Variants in DTNB observed in about 807,000 individuals in gnomAD.
DTNB encodes DTN-B.
In DTNB, 63 loss-of-function variants were observed where a neutral mutation model predicts 90.7. The observed-to-expected ratio is 0.69, with a 90% confidence interval of 0.57 to 0.86. The LOEUF (loss-of-function observed/expected upper bound fraction) is 0.86, where lower values mean the gene tolerates loss of function less well. Among genes scored for constraint, DTNB ranks in the 40% least tolerant of loss-of-function variants. DTNB has a pLI of 0.00. For synonymous variants in DTNB, 277 were observed against 286.7 expected, an observed-to-expected ratio of 0.97 and a Z score of 0.34; for missense variants, 744 against 807.1, an observed-to-expected ratio of 0.92 and a Z score of 0.95.
chr2:25,512,564 T>C (rs753666170), intron 9 of DTNB, among the ~76,000 whole-genome samples: 1 of 152,228 alleles, frequency 6.6e-6, no homozygotes, highest in Non-Finnish European at 1.5e-5. Context: ...AGGAAAGAGA[T>C]AGCATTTTAT....
chr2:25,564,901 TTAAAAG>T (rs2058785704), intron 8 of DTNB, among the ~76,000 whole-genome samples: 1 of 152,234 alleles, frequency 6.6e-6, no homozygotes, highest in Admixed American at 6.5e-5. Flanking sequence ...GTTTTTGCCA[TTAAAAG>T]TAACGGGGAA....
chr2:25,618,271 G>A (rs1254473869), intron 4 of DTNB, among the ~76,000 whole-genome samples: 1 of 152,174 alleles, frequency 6.6e-6, no homozygotes, highest in Non-Finnish European at 1.5e-5. Flanking sequence ...AGAGAAAACT[G>A]CAGCTCCTCA....
intron 8 of DTNB, among the ~76,000 whole-genome samples, chr2:25,533,848 G>A (rs1283490950): frequency 6.6e-6 from 1 of 152,184 alleles, no homozygotes; most frequent in Admixed American, 6.5e-5. Flanking sequence ...ACGACAGCAA[G>A]TGCCTTTCCA....
chr2:25,635,647 G>C (rs1440228743), intron 3 of DTNB, among the ~76,000 whole-genome samples: 9 of 151,974 alleles, frequency 5.9e-5, no homozygotes, highest in Non-Finnish European at 1.3e-4. Context: ...AGTAAAAGAG[G>C]AATTTTACTG....
chr2:25,644,335 T>C (rs987943457), intron 2 of DTNB, among the ~76,000 whole-genome samples: 1 of 152,114 alleles, frequency 6.6e-6, no homozygotes, highest in African/African-American at 2.4e-5. Context: ...AAGTGTATTG[T>C]GTTTAAAATG....
At chr2:25,535,823 CT>C (rs2079548847) in intron 8 of DTNB, among the ~76,000 whole-genome samples, 1 of 148,378 alleles carries the variant, frequency 6.7e-6, no homozygotes, top group Admixed American at 6.7e-5. Context: ...AGAGGTGCTC[CT>C]CACTTCCTCC....
intron 1 of DTNB, among the ~76,000 whole-genome samples, chr2:25,670,313 C>A (rs2085527937): frequency 6.6e-6 from 1 of 152,202 alleles, no homozygotes; most frequent in South Asian, 2.1e-4. Flanking sequence ...GGAAAGACCA[C>A]AAAAACTGAT....
At chr2:25,610,048 C>T (rs1444452169) in intron 4 of DTNB, among the ~76,000 whole-genome samples, 1 of 152,114 alleles carries the variant, frequency 6.6e-6, no homozygotes, top group Non-Finnish European at 1.5e-5. Context: ...TTACTGTTTC[C>T]AAAGACTGTC....
In DTNB at chr2:25,451,624, C is replaced by G; in HGVS notation, c.1181G>C (p.Ser394Thr). Reference sequence around the variant, plus strand: ...GTGTTCCTCATCCAGTCGGCTAGGACTGTCCAGAACACTGCCAAGGAAATA... The same window carrying G: ...GTGTTCCTCATCCAGTCGGCTAGGAGTGTCCAGAACACTGCCAAGGAAATA... ...RLQHCARVLD[S>T]PSRLDEEHRL... The change falls in exon 12 of 21, where the codon AGT becomes ACT. Residue 394 changes from serine to threonine, a missense_variant. Transcript: ENST00000406818. The G allele has an allele frequency of 6.3e-7, 1 of 1,595,010 alleles. No homozygotes were observed. Among genetic ancestry groups the G allele is most frequent in the East Asian group, 2.2e-5 (1 of 44,486 alleles).
intron 14 of DTNB, among the ~76,000 whole-genome samples, chr2:25,428,206 T>C (rs1303431622): frequency 6.6e-6 from 1 of 152,186 alleles, no homozygotes. Context: ...CTTGTCTCTG[T>C]CTCTTTTCCC....
intron 7 of DTNB, among the ~76,000 whole-genome samples, chr2:25,578,215 T>C (rs1304941083): frequency 6.6e-6 from 1 of 152,176 alleles, no homozygotes; most frequent in Admixed American, 6.5e-5. Flanking sequence ...TTATATAGCA[T>C]GATCACTAGG....
intron 6 of DTNB, among the ~76,000 whole-genome samples, chr2:25,582,289 C>T (rs914993370): frequency 7.9e-5 from 12 of 152,278 alleles, no homozygotes; most frequent in African/African-American, 2.9e-4. Context: ...AGACCAACCA[C>T]CGGAACCTCC....
chr2:25,454,693 T>C lies in DTNB; in HGVS notation c.1169+712A>G, dbSNP rs373168261. On this transcript the variant is annotated intron_variant, in intron 11 of 20. Transcript: ENST00000406818. ...TTTAAAAAAAGGATTAACTTTGCTA[T>C]AGTTAGCAGTTATCAAACGTTTTTC... Among the ~76,000 whole-genome samples the C allele has an allele frequency of 2.0e-5, 3 of 152,248 alleles. No individual in the cohort carries two copies. In the South Asian group the frequency reaches 6.2e-4, roughly 31 times the overall value.
At chr2:25,624,634 G>C (rs948738588) in intron 4 of DTNB, among the ~76,000 whole-genome samples, 1 of 152,150 alleles carries the variant, frequency 6.6e-6, no homozygotes, top group East Asian at 1.9e-4. Context: ...AAAGACACTG[G>C]ACTAACACAA....
chr2:25,430,740 G>A (rs2053589885), intron 14 of DTNB, among the ~76,000 whole-genome samples: 1 of 152,222 alleles, frequency 6.6e-6, no homozygotes, highest in Non-Finnish European at 1.5e-5. Flanking sequence ...AATGGGGTAA[G>A]GGAGAGGTAC....
chr2:25,639,085 TTC>T lies in DTNB; in HGVS notation c.75_76del (p.Asn26PhefsTer2), dbSNP rs1342091410. The T allele has an allele frequency of 6.3e-7, 1 of 1,580,406 alleles. No homozygotes were observed. The highest frequency in any genetic ancestry group is 1.8e-5 in the Admixed American group (1 of 56,638). On this transcript the variant is annotated frameshift_variant, in exon 3 of 21. Transcript: ENST00000406818. LOFTEE classifies it high-confidence loss of function. Reference sequence around the variant, plus strand: ...AGTTGATAGTCGTATGACATCAAAATTCTGAGCACCTGAAAAAAGGCAAACAG... The same window carrying T: ...AGTTGATAGTCGTATGACATCAAAATTGAGCACCTGAAAAAAGGCAAACAG...
At chr2:25,502,537 G>A (rs1441512816) in intron 9 of DTNB, among the ~76,000 whole-genome samples, 1 of 151,848 alleles carries the variant, frequency 6.6e-6, no homozygotes, top group Non-Finnish European at 1.5e-5. Flanking sequence ...AGCCCAGGAG[G>A]TGAAGACCAG....
chr2:25,529,122 T>C (rs1425644588), intron 9 of DTNB, among the ~76,000 whole-genome samples: 4 of 152,150 alleles, frequency 2.6e-5, no homozygotes, highest in Non-Finnish European at 5.9e-5. Context: ...TTCCTTATGG[T>C]AATTAAGACA....
At chr2:25,473,735 G>C (rs1433092611) in intron 10 of DTNB, among the ~76,000 whole-genome samples, 1 of 152,212 alleles carries the variant, frequency 6.6e-6, no homozygotes, top group Non-Finnish European at 1.5e-5. Context: ...TCTTCCTCCA[G>C]TGTTTTGACC....
Sources: allele counts gnomAD v4.1 joint callset (sites outside exome capture counted in the v4.1 genomes callset), GRCh38; gene constraint gnomAD v4.1.1; transcripts MANE v1.5; gene names NCBI Gene and HGNC (gene_info 2026-07-23, HGNC 2026-07-21).